The following MAP1B variants were observed in gnomAD, a reference collection of about 807,000 sequenced individuals.
The protein encoded by MAP1B is microtubule-associated protein 1B.
A neutral mutation model predicts 176.1 loss-of-function variants in MAP1B; 12 were observed. The observed-to-expected ratio is 0.07, with a 90% CI of 0.04 to 0.11. The LOEUF (loss-of-function observed/expected upper bound fraction) is 0.11, where lower values mean the gene tolerates loss of function less well. Ranked by LOEUF, MAP1B falls within the 10% of genes least tolerant of loss-of-function variation. The pLI is 1.00. For synonymous variants in MAP1B, 1,044 were observed against 1,135.0 expected, an observed-to-expected ratio of 0.92 and a Z score of 1.61; for missense variants, 2,523 against 2,990.5, an observed-to-expected ratio of 0.84 and a Z score of 3.65.
chr5:72,196,699 C>T lies in MAP1B; in HGVS notation c.3344C>T (p.Ala1115Val). 6.2e-7 allele frequency: 1 copy of T among 1,614,026 alleles called. No individual in the cohort carries two copies. The highest frequency in any genetic ancestry group is 8.5e-7 in the Non-Finnish European group (1 of 1,179,942). Reference protein sequence around the residue: ...NREDQPEEFTATSGYTQSTIE... With the variant: ...NREDQPEEFTVTSGYTQSTIE... ...GAAGACCAGCCTGAGGAATTCACTGCCACCTCTGGCTACACTCAGTCTACT... is the reference window on the plus strand; with the variant it reads ...GAAGACCAGCCTGAGGAATTCACTGTCACCTCTGGCTACACTCAGTCTACT... The change falls in exon 5 of 7, where the codon GCC (alanine) becomes GTC (valine). Residue 1115 changes from alanine (A) to valine (V), a missense_variant. Transcript: ENST00000296755. This position sits in a 1 kb window ranked among gnomAD's most constrained non-coding sequence, Gnocchi z 5.3.
At chr5:72,124,650 G>T (rs1745590640) in intron 2 of MAP1B, among the ~76,000 whole-genome samples, 1 of 152,232 alleles carries the variant, frequency 6.6e-6, no homozygotes, top group Non-Finnish European at 1.5e-5. Flanking sequence ...TGTCTTTGTT[G>T]TCATAGAGGG....
chr5:72,128,192 C>T (rs1340466355), intron 2 of MAP1B, among the ~76,000 whole-genome samples: 1 of 152,142 alleles, frequency 6.6e-6, no homozygotes, highest in African/African-American at 2.4e-5. Context: ...CTCTGTGCCT[C>T]AGGGTCCTCA....
chr5:72,171,361 G>T (rs1411594890), intron 2 of MAP1B, among the ~76,000 whole-genome samples: 2 of 152,162 alleles, frequency 1.3e-5, no homozygotes, highest in African/African-American at 4.8e-5. Flanking sequence ...GCTGAGGTGG[G>T]AGGATCACTT....
chr5:72,149,253 T>G (rs1309795752), intron 2 of MAP1B, among the ~76,000 whole-genome samples: 1 of 152,252 alleles, frequency 6.6e-6, no homozygotes, highest in African/African-American at 2.4e-5. Flanking sequence ...TGCCATTTAA[T>G]GTAGTAGACC....
At position 72,208,754 on chromosome 5, in the gene MAP1B, C is replaced by G. The variant is rs929699813; in HGVS notation, c.*3515C>G. Reference sequence around the variant, plus strand: ...CATTTGCTAATGGAAATCTTACCACCTTTCATTTTCCCTCTGTTACCAAAT... The same window carrying G: ...CATTTGCTAATGGAAATCTTACCACGTTTCATTTTCCCTCTGTTACCAAAT... On this transcript the variant is annotated 3_prime_UTR_variant, in exon 7 of 7. Transcript: ENST00000296755. The G allele has an allele frequency of 1.3e-5, 2 of 152,156 alleles. No individual in the cohort carries two copies. Among genetic ancestry groups the G allele is most frequent in the African/African-American group, 4.8e-5 (2 of 41,426 alleles). 9.4% of individuals were successfully genotyped at this position (152,156 alleles called of 1,614,324 possible).
In MAP1B at chr5:72,194,796, G is replaced by C. The variant is rs1372105991; in HGVS notation, c.1441G>C (p.Ala481Pro). 1 of 1,614,138 alleles carries C rather than the reference G, an allele frequency of 6.2e-7. No individual in the cohort carries two copies. The highest frequency in any genetic ancestry group is 1.7e-5 in the Admixed American group (1 of 60,024). Residue 481 changes from alanine to proline, a missense_variant, in exon 5 of 7, where the codon GCG (alanine) becomes CCG (proline). Transcript: ENST00000296755. The surrounding 1 kb of genome is among the most constrained non-coding windows in gnomAD (Gnocchi z 7.2). ...GATTGTGTGGCATCCAGCAAACCCT[G>C]CGGAGAAAATCATCCGAGTCCTGTT... is the stretch of plus-strand genomic sequence containing the variant. ...SLIVWHPANPAEKIIRVLFPG... is the reference protein window; with the variant it reads ...SLIVWHPANPPEKIIRVLFPG...
intron 2 of MAP1B, among the ~76,000 whole-genome samples, chr5:72,155,151 C>T (rs528336968): frequency 6.6e-6 from 1 of 152,288 alleles, no homozygotes; most frequent in African/African-American, 2.4e-5. Flanking sequence ...AACTTTTTAT[C>T]TACAAAATCT....
intron 2 of MAP1B, among the ~76,000 whole-genome samples, chr5:72,134,410 T>C (rs4463167): frequency 1 from 152,063 of 152,302 alleles, 75,913 homozygotes; most frequent in Middle Eastern, 1. Context: ...CTTGTAATTA[T>C]AGCAGACATT....
intron 2 of MAP1B, among the ~76,000 whole-genome samples, chr5:72,131,774 C>T (rs1745738590): frequency 6.6e-6 from 1 of 152,196 alleles, no homozygotes; most frequent in Non-Finnish European, 1.5e-5. Flanking sequence ...TCATTCAATA[C>T]CTTCCTCCCA....
At chr5:72,150,499 CT>C (rs149742339) in intron 2 of MAP1B, among the ~76,000 whole-genome samples, 1 of 152,170 alleles carries the variant, frequency 6.6e-6, no homozygotes, top group Non-Finnish European at 1.5e-5. Context: ...CCATAACTTT[CT>C]TTTTTAACTT....
At chr5:72,118,893 T>C (rs1487192507) in intron 2 of MAP1B, among the ~76,000 whole-genome samples, 1 of 152,234 alleles carries the variant, frequency 6.6e-6, no homozygotes, top group Non-Finnish European at 1.5e-5. Flanking sequence ...TTTTAATAAT[T>C]GGAGTTCACT....
At chr5:72,180,470 C>A (rs1391760230) in intron 2 of MAP1B, among the ~76,000 whole-genome samples, 1 of 152,140 alleles carries the variant, frequency 6.6e-6, no homozygotes, top group Non-Finnish European at 1.5e-5. Context: ...TGCCAATTTT[C>A]ATTTTATCAT....
chr5:72,185,716 C>T (rs1315715666), intron 3 of MAP1B, among the ~76,000 whole-genome samples: 2 of 152,072 alleles, frequency 1.3e-5, no homozygotes, highest in Non-Finnish European at 2.9e-5. Flanking sequence ...CCAGGCTTGC[C>T]TGTGGAGCAG....
At position 72,195,190 on chromosome 5, in the gene MAP1B, A is replaced by C; in HGVS notation, c.1835A>C (p.Glu612Ala). The change falls in exon 5 of 7, where the codon GAG (glutamate) becomes GCG (alanine). Residue 612 changes from glutamate to alanine, a missense_variant. This residue lies in a region of MAP1B where 1,925 missense variants were observed against 2,126.0 expected (regional missense o/e 0.91). Coordinates refer to ENST00000296755, the MANE Select transcript of MAP1B (RefSeq NM_005909.5). ...VTEKEVPSKE[E>A]PSPVKAEVAE... ...GAAAAGGAGGTTCCCAGCAAAGAAG[A>C]GCCATCTCCAGTGAAAGCCGAGGTG... 1.2e-6 allele frequency: 2 copies of C among 1,613,862 alleles called. No homozygotes were observed. The highest frequency in any genetic ancestry group is 1.7e-6 in the Non-Finnish European group (2 of 1,180,006).
chr5:72,190,856 C>T (rs1747011531), intron 4 of MAP1B, among the ~76,000 whole-genome samples: 1 of 152,188 alleles, frequency 6.6e-6, no homozygotes, highest in Non-Finnish European at 1.5e-5. Flanking sequence ...GTAACCTAAT[C>T]AAAAAGGAAA....
chr5:72,132,404 A>C (rs1163741140), intron 2 of MAP1B, among the ~76,000 whole-genome samples: 1 of 152,182 alleles, frequency 6.6e-6, no homozygotes, highest in Non-Finnish European at 1.5e-5. Flanking sequence ...TTCTGATTTC[A>C]GCCTTAAGAA....
Position 72,109,582 on chromosome 5 carries a change from G to T in MAP1B, c.184+1867G>T, listed in dbSNP as rs552390427. The stretch of plus-strand genomic sequence containing the variant: ...CAAAATCTTCATAACCATTCGATGT[G>T]GTGGTGCTAGGAGAGGGATCATCAA... On this transcript the variant is annotated intron_variant, in intron 1 of 6. Transcript: ENST00000296755. Among the ~76,000 whole-genome samples, 12 of 152,320 alleles carry T rather than the reference G, an allele frequency of 7.9e-5. No homozygotes were observed. In the South Asian group the frequency reaches 2.5e-3, roughly 32 times the overall value.
chr5:72,149,971 T>A (rs1746113414), intron 2 of MAP1B, among the ~76,000 whole-genome samples: 1 of 152,246 alleles, frequency 6.6e-6, no homozygotes. Context: ...ATTTTAGGAT[T>A]TGGCTGTGTG....
chr5:72,138,632 A>G (rs1252758794), intron 2 of MAP1B, among the ~76,000 whole-genome samples: 1 of 152,228 alleles, frequency 6.6e-6, no homozygotes, highest in African/African-American at 2.4e-5. Context: ...GTTCTCAACA[A>G]TAGGGCATGT....
Sources: allele counts gnomAD v4.1 joint callset (sites outside exome capture counted in the v4.1 genomes callset), GRCh38; gene constraint gnomAD v4.1.1; regional missense constraint gnomAD v4.1.1; non-coding constraint Gnocchi (gnomAD v3.1); transcripts MANE v1.5; gene names NCBI Gene and HGNC (gene_info 2026-07-23, HGNC 2026-07-21).